The following TMEM117 variants were observed in gnomAD, a reference collection of about 807,000 sequenced individuals.
The protein encoded by TMEM117 is transmembrane protein 117.
A neutral mutation model predicts 52.4 loss-of-function variants in TMEM117; 27 were observed. The observed-to-expected ratio is 0.51, with a 90% confidence interval of 0.38 to 0.71. The LOEUF (loss-of-function observed/expected upper bound fraction) is 0.71. TMEM117 is among the 30% of genes least tolerant of loss of function. The pLI is 0.00. For synonymous variants in TMEM117, 215 were observed against 206.3 expected, an observed-to-expected ratio of 1.04 and a Z score of -0.36; for missense variants, 556 against 630.5, an observed-to-expected ratio of 0.88 and a Z score of 1.26.
chr12:44,090,396 CTTTTTATTTATTTATTTATTTATTTATT>C (rs1185446857), intron 3 of TMEM117, among the ~76,000 whole-genome samples: 10 of 143,846 alleles, frequency 7.0e-5, no homozygotes, highest in Admixed American at 1.4e-4. Flanking sequence ...TTTTATCTTA[CTTTTTATTTATTTATTTATTTATTTATT>C]TATTTATTTA....
chr12:43,805,548 A>T, the TMEM117 span: 1 of 458,786 alleles, frequency 2.2e-6, no homozygotes, highest in Admixed American at 2.3e-5. Context: ...ATTTCAAACC[A>T]GGAAATAATG....
rs532425815 is a variant in TMEM117, at chr12:44,376,440, A to T, written c.769-155A>T. On this transcript the variant is annotated intron_variant, in intron 6 of 7. Transcript: ENST00000266534. ...GAATGCATACTGCTACCTAATGTAC[A>T]TAAAATAACCATCACAGAATGAAAC... 446 of 871,292 alleles carry T rather than the reference A, an allele frequency of 5.1e-4. 7 individuals are homozygous for T. In the South Asian group the frequency reaches 6.0e-3, roughly 12 times the overall value. 54.0% of individuals were successfully genotyped at this position (871,292 alleles called of 1,614,324 possible).
intron 6 of TMEM117, among the ~76,000 whole-genome samples, chr12:44,317,934 G>A (rs1951079214): frequency 6.6e-6 from 1 of 152,190 alleles, no homozygotes; most frequent in Admixed American, 6.5e-5. Context: ...CCACTCAATG[G>A]CAGGTACTAG....
intron 3 of TMEM117, among the ~76,000 whole-genome samples, chr12:43,984,934 G>A (rs1041353160): frequency 2.6e-5 from 4 of 152,136 alleles, no homozygotes; most frequent in African/African-American, 9.7e-5. Flanking sequence ...TGAAATGGGA[G>A]CATTTCCAAT....
At chr12:44,107,472 G>A (rs1242121273) in intron 3 of TMEM117, among the ~76,000 whole-genome samples, 3 of 152,032 alleles carry the variant, frequency 2.0e-5, no homozygotes. Flanking sequence ...TTGCACAGTG[G>A]TTTAAGAGCA....
chr12:44,030,079 TAAATC>T (rs1226207090), intron 3 of TMEM117, among the ~76,000 whole-genome samples: 7 of 152,228 alleles, frequency 4.6e-5, no homozygotes, highest in African/African-American at 1.7e-4. Context: ...AATAAGAGCT[TAAATC>T]AAATATTTTG....
At chr12:44,051,007 C>T (rs919236675) in intron 3 of TMEM117, among the ~76,000 whole-genome samples, 5 of 152,146 alleles carry the variant, frequency 3.3e-5, no homozygotes, top group African/African-American at 4.8e-5. Flanking sequence ...TCATTTATTA[C>T]GATCCTTGGG....
At chr12:44,143,142 A>G (rs1443457496) in intron 3 of TMEM117, among the ~76,000 whole-genome samples, 2 of 152,166 alleles carry the variant, frequency 1.3e-5, no homozygotes, top group African/African-American at 2.4e-5. Context: ...GAACTGAAGG[A>G]AAGTTAGCTC....
Position 44,017,904 on chromosome 12 carries a change from G to T in TMEM117, c.410+73562G>T, listed in dbSNP as rs541073364. On this transcript the variant is annotated intron_variant, in intron 3 of 7. Transcript: ENST00000266534. Reference sequence around the variant, plus strand: ...TTAAATAGATCATTGAAATGACAGAGTTTTGATTTTTTTCAATGTTCTTTT... The same window carrying T: ...TTAAATAGATCATTGAAATGACAGATTTTTGATTTTTTTCAATGTTCTTTT... Among the ~76,000 whole-genome samples the T allele has an allele frequency of 1.9e-4, 29 of 151,690 alleles. No individual in the cohort carries two copies. The East Asian group carries it at 4.8e-3, about 25-fold the overall frequency.
At chr12:44,232,216 A>C (rs1370654806) in intron 5 of TMEM117, among the ~76,000 whole-genome samples, 1 of 151,638 alleles carries the variant, frequency 6.6e-6, no homozygotes, top group Non-Finnish European at 1.5e-5. Context: ...AAGGTTCTAA[A>C]GTTATTAAGA....
Position 44,253,006 on chromosome 12 carries a change from A to G in TMEM117, c.608+41619A>G, listed in dbSNP as rs181406729. 2.3e-3 allele frequency among the ~76,000 whole-genome samples: 351 copies of G among 152,356 alleles called. 11 individuals are homozygous for G. The East Asian group carries it at 0.034, about 15-fold the overall frequency. The stretch of plus-strand genomic sequence containing the variant: ...CAGAAAGGAGAAAGAGGAGAAAAAA[A>G]GGAAAAAAGCAACCCTCTAACTAAG... On this transcript the variant is annotated intron_variant, in intron 5 of 7. Coordinates refer to ENST00000266534, the MANE Select transcript of TMEM117 (RefSeq NM_032256.3).
At chr12:44,178,945 G>A (rs542343659) in intron 4 of TMEM117, among the ~76,000 whole-genome samples, 1 of 152,270 alleles carries the variant, frequency 6.6e-6, no homozygotes, top group East Asian at 1.9e-4. Context: ...TGTAATCCCA[G>A]CACTTTGGAA....
intron 3 of TMEM117, among the ~76,000 whole-genome samples, chr12:44,114,380 A>G (rs1948097533): frequency 6.6e-6 from 1 of 152,230 alleles, no homozygotes; most frequent in South Asian, 2.1e-4. Context: ...AACTAGATAT[A>G]CAGTAAAATT....
the TMEM117 span, among the ~76,000 whole-genome samples, chr12:43,810,025 C>G: frequency 6.6e-6 from 1 of 152,056 alleles, no homozygotes; most frequent in Admixed American, 6.6e-5. Context: ...AAAATATAGA[C>G]TGAAGTAATA....
At chr12:43,849,626 C>T (rs1943270916) in intron 2 of TMEM117, among the ~76,000 whole-genome samples, 1 of 151,998 alleles carries the variant, frequency 6.6e-6, no homozygotes, top group South Asian at 2.1e-4. Flanking sequence ...TGAATTCTCT[C>T]TCTCTTTTTT....
At chr12:44,147,257 C>T (rs575395053) in intron 4 of TMEM117, among the ~76,000 whole-genome samples, 7 of 152,212 alleles carry the variant, frequency 4.6e-5, no homozygotes, top group South Asian at 2.1e-4. Context: ...GGGTGTCTCA[C>T]GAGACACCAT....
At chr12:44,182,458 A>G (rs557700530) in intron 4 of TMEM117, among the ~76,000 whole-genome samples, 79 of 152,260 alleles carry the variant, frequency 5.2e-4, no homozygotes, top group African/African-American at 1.8e-3. Context: ...AAACCACATG[A>G]TTATCTCAAT....
chr12:44,299,449 C>T (rs1950810873), intron 5 of TMEM117, 131 bp from the exon 6 acceptor site: 7 of 1,226,868 alleles, frequency 5.7e-6, no homozygotes, highest in Non-Finnish European at 7.7e-6. Flanking sequence ...TTTCATCTTC[C>T]TTTTGGCTAA....
intron 5 of TMEM117, chr12:44,248,468 T>A (rs1950158055): frequency 6.5e-6 from 1 of 152,952 alleles, no homozygotes; most frequent in Non-Finnish European, 1.5e-5. Flanking sequence ...GAGTAAGCGG[T>A]TGGCCATCAC....
Sources: gnomAD v4.1 joint callset for allele counts (sites outside exome capture counted in the v4.1 genomes callset) on GRCh38, gnomAD v4.1.1 for gene constraint, MANE v1.5 for transcripts, NCBI Gene and HGNC (gene_info 2026-07-23, HGNC 2026-07-21) for gene names.